CTNNA2: variants seen among roughly 807,000 people sequenced by gnomAD.
The protein encoded by CTNNA2 is catenin alpha 2.
A neutral mutation model predicts 101.0 loss-of-function variants in CTNNA2; 42 were observed. The observed-to-expected ratio is 0.42, with a 90% CI of 0.32 to 0.54. The LOEUF is 0.54. Ranked by LOEUF, CTNNA2 falls within the 20% of genes least tolerant of loss-of-function variation. The pLI is 0.14. For missense variants in CTNNA2, 871 were observed against 1,223.1 expected (o/e 0.71, Z 4.29); for synonymous variants, 450 against 456.4 (o/e 0.99, Z 0.18).
intron 7 of CTNNA2, among the ~76,000 whole-genome samples, chr2:80,220,972 C>A (rs1708539532): frequency 6.6e-6 from 1 of 152,180 alleles, no homozygotes; most frequent in Non-Finnish European, 1.5e-5. Context: ...GCCTCCACCT[C>A]CTGAGTTCAA....
intron 7 of CTNNA2, among the ~76,000 whole-genome samples, chr2:80,143,043 C>A (rs1434199454): frequency 6.6e-6 from 1 of 152,196 alleles, no homozygotes; most frequent in African/African-American, 2.4e-5. Flanking sequence ...TAAGGAAGGG[C>A]CACGGGATCA....
At chr2:80,621,931 C>G (rs1558652338) in intron 18 of CTNNA2, among the ~76,000 whole-genome samples, 1 of 151,772 alleles carries the variant, frequency 6.6e-6, no homozygotes, top group African/African-American at 2.4e-5. Context: ...AAAGCTGATA[C>G]TTTTAGCTAG....
chr2:80,043,089 TTCTTTC>T (rs1173140994), intron 7 of CTNNA2, among the ~76,000 whole-genome samples: 44 of 31,480 alleles, frequency 1.4e-3, no homozygotes, highest in African/African-American at 5.4e-3. Flanking sequence ...CTTTCTTTCT[TTCTTTC>T]TCTCTCTCTC....
intron 2 of CTNNA2, among the ~76,000 whole-genome samples, chr2:79,262,390 C>T (rs1674934274): frequency 6.6e-6 from 1 of 151,736 alleles, no homozygotes; most frequent in Non-Finnish European, 1.5e-5. Flanking sequence ...TAAATAATAT[C>T]AATAATGTGG....
intron 18 of CTNNA2, among the ~76,000 whole-genome samples, chr2:80,620,401 A>T (rs1397423212): frequency 6.6e-6 from 1 of 151,846 alleles, no homozygotes; most frequent in Non-Finnish European, 1.5e-5. Flanking sequence ...CCAAAGTTAT[A>T]CACTTTTATA....
chr2:79,933,695 T>C (rs1399910194), intron 7 of CTNNA2, among the ~76,000 whole-genome samples: 1 of 152,146 alleles, frequency 6.6e-6, no homozygotes, highest in Non-Finnish European at 1.5e-5. Context: ...CCTCAGGTGA[T>C]CCACCTGCCT....
intron 7 of CTNNA2, among the ~76,000 whole-genome samples, chr2:80,080,069 A>G (rs1699041746): frequency 6.6e-6 from 1 of 152,090 alleles, no homozygotes; most frequent in Non-Finnish European, 1.5e-5. Flanking sequence ...GGTTGGTCTG[A>G]AGGTTCAAGT....
At chr2:79,294,144 T>C (rs11889051) in intron 2 of CTNNA2, among the ~76,000 whole-genome samples, 21,186 of 151,386 alleles carry the variant, frequency 0.14, 1,731 homozygotes, top group Middle Eastern at 0.23. Context: ...AGATGGCCAC[T>C]TTCTTTCTGT....
At chr2:79,521,708 G>T (rs1018655030) in intron 1 of CTNNA2, among the ~76,000 whole-genome samples, 1 of 152,172 alleles carries the variant, frequency 6.6e-6, no homozygotes, top group Non-Finnish European at 1.5e-5. Flanking sequence ...ATAGAGGCCT[G>T]CCTTGTTCTC....
At chr2:80,355,320 CA>C (rs936523018) in intron 7 of CTNNA2, among the ~76,000 whole-genome samples, 1 of 152,186 alleles carries the variant, frequency 6.6e-6, no homozygotes, top group African/African-American at 2.4e-5. Context: ...CCATCTAGAA[CA>C]GATCGTTTTT....
chr2:79,966,350 C>T (rs1458592292), intron 7 of CTNNA2, among the ~76,000 whole-genome samples: 1 of 152,138 alleles, frequency 6.6e-6, no homozygotes, highest in African/African-American at 2.4e-5. Flanking sequence ...ATCCTCCCAC[C>T]TCAGCCTCTC....
At chr2:79,708,624 T>A (rs932007) in intron 2 of CTNNA2, among the ~76,000 whole-genome samples, 88,284 of 151,978 alleles carry the variant, frequency 0.58, 26,792 homozygotes, top group East Asian at 0.78. Context: ...TAAATTAAAA[T>A]TATATTATTT....
At chr2:80,066,048 G>C (rs189808761) in intron 7 of CTNNA2, among the ~76,000 whole-genome samples, 1 of 152,212 alleles carries the variant, frequency 6.6e-6, no homozygotes, top group Admixed American at 6.5e-5. Flanking sequence ...AAAAGCTACT[G>C]TGGTAGCCAG....
Position 80,496,053 on chromosome 2 carries a change from G to A in CTNNA2, c.1291-48929G>A, listed in dbSNP as rs1387541565. On this transcript the variant is annotated intron_variant, in intron 9 of 18. Coordinates refer to ENST00000402739, the MANE Select transcript of CTNNA2 (RefSeq NM_001282597.3). ...TTAGAGTGACACAGCTGCAAGTCAAGGAATACCAAACATTGCTGGGCAAAC... is the reference window on the plus strand; with the variant it reads ...TTAGAGTGACACAGCTGCAAGTCAAAGAATACCAAACATTGCTGGGCAAAC... Among the ~76,000 whole-genome samples the A allele has an allele frequency of 2.6e-5, 4 of 151,472 alleles. No homozygotes were observed. The East Asian group carries it at 7.8e-4, about 30-fold the overall frequency.
intron 8 of CTNNA2, among the ~76,000 whole-genome samples, chr2:80,403,745 TC>T (rs1480225439): frequency 1.3e-5 from 2 of 152,228 alleles, no homozygotes; most frequent in African/African-American, 4.8e-5. Flanking sequence ...TGTGGGTTTG[TC>T]ATAAATGGCT....
At position 79,850,111 on chromosome 2, in the gene CTNNA2, ATTGGAGAAGTGTC is replaced by A. The variant is rs143460347; in HGVS notation, c.299-7899_299-7887del. ...TAAGGAGTGGTGGAGGCTGGGAATA[ATTGGAGAAGTGTC>A]TTTGTTTAGGTCCTTGTTCCTTCCC... On this transcript the variant is annotated intron_variant, in intron 3 of 18. Transcript: ENST00000402739. 4.4e-3 allele frequency among the ~76,000 whole-genome samples: 665 copies of A among 152,062 alleles called. 4 individuals carry two copies. The highest frequency in any genetic ancestry group is 0.014 in the African/African-American group (581 of 41,466).
At chr2:80,049,720 C>T (rs571221001) in intron 7 of CTNNA2, among the ~76,000 whole-genome samples, 1 of 152,302 alleles carries the variant, frequency 6.6e-6, no homozygotes, top group South Asian at 2.1e-4. Flanking sequence ...GCTGAGGGCA[C>T]TTCTGTATTC....
At chr2:80,631,743 T>C (rs1483729747) in intron 18 of CTNNA2, among the ~76,000 whole-genome samples, 2 of 152,170 alleles carry the variant, frequency 1.3e-5, no homozygotes, top group Admixed American at 6.5e-5. Context: ...CTGTGGTATA[T>C]TGATAAATGC....
intron 7 of CTNNA2, among the ~76,000 whole-genome samples, chr2:79,981,208 G>A (rs1263951032): frequency 6.6e-6 from 1 of 152,034 alleles, no homozygotes; most frequent in Non-Finnish European, 1.5e-5. Context: ...GGAAAAAACA[G>A]GACTCAGAAA....
Sources: allele counts gnomAD v4.1 joint callset (sites outside exome capture counted in the v4.1 genomes callset), GRCh38; gene constraint gnomAD v4.1.1; transcripts MANE v1.5; gene names NCBI Gene and HGNC (gene_info 2026-07-23, HGNC 2026-07-21).